The following PLEKHG5 variants were observed in gnomAD, a reference collection of about 807,000 sequenced individuals.
The protein encoded by PLEKHG5 is pleckstrin homology domain-containing family G member 5.
Under a neutral mutation model 103.8 loss-of-function variants are expected in PLEKHG5, and 52 were observed. The observed-to-expected ratio is 0.50, with a 90% CI of 0.40 to 0.63. The LOEUF (loss-of-function observed/expected upper bound fraction) is 0.63, where lower values mean the gene tolerates loss of function less well. Among genes scored for constraint, PLEKHG5 ranks in the 30% least tolerant of loss-of-function variants. The probability of loss-of-function intolerance (pLI) is 0.00; values close to 1 mark genes in which losing one functional copy is unlikely to be tolerated. For missense variants in PLEKHG5, 1,205 were observed against 1,347.6 expected (o/e 0.89, Z 1.66); for synonymous variants, 592 against 575.5 (o/e 1.03, Z -0.41).
chr1:6,469,517 C>G, intron 17 of PLEKHG5, 27 bp downstream of exon 17: 1 of 1,613,842 alleles, frequency 6.2e-7, no homozygotes, highest in Non-Finnish European at 8.5e-7. Context: ...AGCCCCTGAC[C>G]AGGAACAGGG....
chr1:6,481,301 C>T (rs373882872), intron 1 of PLEKHG5, among the ~76,000 whole-genome samples: 6 of 152,028 alleles, frequency 3.9e-5, no homozygotes, highest in Admixed American at 1.3e-4. Flanking sequence ...GAGGCCGAGG[C>T]GGGCGGGTCA....
rs755671655 is a variant in PLEKHG5 at position 6,471,503 on chromosome 1, G to A, written c.1266C>T (p.Leu422=). 1.4e-5 allele frequency: 22 copies of A among 1,610,658 alleles called. No individual in the cohort carries two copies. The East Asian group carries it at 4.9e-4, about 36-fold the overall frequency. ...CCGCCCGTACCATCTTGAAGCCTTT[G>A]AGGAAGTCCCCGGGCTGTAGCAGCG... The part of the protein sequence containing the change: ...TRALLQPGDF[L]KGFKMFGSLF... The change falls in exon 12 of 21, where the codon CTC becomes CTT. Residue 422 remains leucine (L), a synonymous_variant. Transcript: ENST00000377728.
chr1:6,496,559 G>A, upstream of PLEKHG5: 3 of 1,576,868 alleles, frequency 1.9e-6, no homozygotes, highest in Middle Eastern at 2.2e-4. Context: ...TTTCAGCGGG[G>A]CTCTGGTCGT....
upstream of PLEKHG5, among the ~76,000 whole-genome samples, chr1:6,498,170 C>T (rs930990194): frequency 2.0e-5 from 3 of 152,216 alleles, no homozygotes; most frequent in African/African-American, 7.2e-5. Context: ...GCTCCTGAGC[C>T]TGCCTCTGGA....
At chr1:6,472,667 T>C (rs1275967477) in intron 9 of PLEKHG5, 45 bp from the exon 10 acceptor site, 9 of 1,440,360 alleles carry the variant, frequency 6.2e-6, no homozygotes, top group Non-Finnish European at 8.7e-6. Flanking sequence ...CTGGAGCACC[T>C]TAGGGTGGCC....
chr1:6,476,859 AT>A (rs1173404783), intron 2 of PLEKHG5, among the ~76,000 whole-genome samples: 1 of 151,958 alleles, frequency 6.6e-6, no homozygotes, highest in African/African-American at 2.4e-5. Flanking sequence ...GGTTCAAGCG[AT>A]CCTTCCACCT....
chr1:6,486,010 C>A lies in PLEKHG5; in HGVS notation c.-88+5627G>T. 1 of 609,906 alleles carries A rather than the reference C, an allele frequency of 1.6e-6. No individual in the cohort carries two copies. Among genetic ancestry groups the A allele is most frequent in the Non-Finnish European group, 2.1e-6 (1 of 487,390 alleles). 37.8% of individuals were successfully genotyped at this position (609,906 alleles called of 1,614,324 possible). On this transcript the variant is annotated intron_variant, in intron 1 of 20. Transcript: ENST00000377728. This position sits in a 1 kb window ranked among gnomAD's most constrained non-coding sequence, Gnocchi z 5.3. ...CCACCTTGGAGACTGTGGAGCCCCT[C>A]CCCTGGGTGACTCGATCCCCGCCCA... is the stretch of plus-strand genomic sequence containing the variant.
chr1:6,478,788 CACAAT>C (rs1303318072), intron 1 of PLEKHG5, among the ~76,000 whole-genome samples: 1 of 152,082 alleles, frequency 6.6e-6, no homozygotes, highest in African/African-American at 2.4e-5. Flanking sequence ...AGATTACAGG[CACAAT>C]CCACCACGCC....
chr1:6,477,782 C>G (rs1644803193), intron 1 of PLEKHG5, 124 bp from the exon 2 acceptor site: 1 of 975,674 alleles, frequency 1.0e-6, no homozygotes, highest in African/African-American at 2.4e-5. Flanking sequence ...TGAGGAGACG[C>G]CCCCCAGCAG....
intron 1 of PLEKHG5, among the ~76,000 whole-genome samples, chr1:6,481,013 C>T (rs887966934): frequency 1.3e-5 from 2 of 152,134 alleles, no homozygotes; most frequent in Non-Finnish European, 2.9e-5. Flanking sequence ...ATCCCGCTGG[C>T]TCCACCTTTA....
intron 1 of PLEKHG5, among the ~76,000 whole-genome samples, chr1:6,504,394 G>A (rs972937125): frequency 2.6e-5 from 4 of 151,956 alleles, no homozygotes; most frequent in Admixed American, 6.5e-5. Flanking sequence ...CGCACGTCCC[G>A]ATGGGGCCTG....
intron 1 of PLEKHG5, among the ~76,000 whole-genome samples, chr1:6,479,680 A>C (rs1644854148): frequency 6.6e-6 from 1 of 151,578 alleles, no homozygotes; most frequent in African/African-American, 2.4e-5. Flanking sequence ...TGGCATGATC[A>C]GCTCACTGCA....
chr1:6,484,444 C>T (rs770656330), intron 1 of PLEKHG5, among the ~76,000 whole-genome samples: 27 of 152,214 alleles, frequency 1.8e-4, no homozygotes, highest in Non-Finnish European at 2.5e-4. Context: ...CAGGTGGTTT[C>T]CGACTTCGTC....
exon 1 of PLEKHG5, chr1:6,519,548 T>G: frequency 6.6e-7 from 1 of 1,504,296 alleles, no homozygotes; most frequent in Non-Finnish European, 9.3e-7. Context: ...TGCCTGGACC[T>G]CCAGCCACAT....
At chr1:6,475,662 C>T (rs967834540) in intron 3 of PLEKHG5, 140 bp from the exon 4 acceptor site, 7 of 798,930 alleles carry the variant, frequency 8.8e-6, no homozygotes, top group Admixed American at 3.8e-5. Flanking sequence ...CGGCCAGGCC[C>T]GCATAGGGCT....
In PLEKHG5 at chr1:6,474,455, G is replaced by C. The variant is rs1644696778; in HGVS notation, c.435C>G (p.Val145=). The C allele has an allele frequency of 6.2e-7, 1 of 1,613,700 alleles. No homozygotes were observed. The highest frequency in any genetic ancestry group is 1.3e-5 in the African/African-American group (1 of 74,936). The change falls in exon 6 of 21, where the codon GTC becomes GTG. Residue 145 remains valine, a synonymous_variant. Transcript: ENST00000377728. ...TTGGCCCAGGCTGCTTCTCACCTTT[G>C]ACACGAAGGTAGTGTCCCCCGAACC... ...AYRFGGHYLR[V]KAPAKPGDEG... is the part of the protein sequence containing the mutation.
At chr1:6,479,829 T>C (rs1272025358) in intron 1 of PLEKHG5, among the ~76,000 whole-genome samples, 2 of 152,156 alleles carry the variant, frequency 1.3e-5, no homozygotes, top group Non-Finnish European at 2.9e-5. Context: ...CAGGCTAGTC[T>C]TGAACTCCTG....
intron 1 of PLEKHG5, among the ~76,000 whole-genome samples, chr1:6,480,679 C>G (rs1249384680): frequency 6.6e-6 from 1 of 151,052 alleles, no homozygotes; most frequent in Non-Finnish European, 1.5e-5. Flanking sequence ...GACAGGGTCT[C>G]ACTCTGTCAC....
Position 6,467,479 on chromosome 1 carries a change from A to G in PLEKHG5, c.*84T>C, listed in dbSNP as rs1328994629. On this transcript the variant is annotated 3_prime_UTR_variant, in exon 21 of 21. Coordinates refer to ENST00000377728, the MANE Select transcript of PLEKHG5 (RefSeq NM_020631.6). The stretch of plus-strand genomic sequence containing the variant: ...CCGGCTCATGCATACAGGAGGCAGT[A>G]GCTGAAGCAGGTGCCGGCACGCCCC... The G allele has an allele frequency of 2.3e-6, 3 of 1,277,846 alleles. No homozygotes were observed. The highest frequency in any genetic ancestry group is 3.4e-6 in the Non-Finnish European group (3 of 874,216). 79.2% of individuals were successfully genotyped at this position (1,277,846 alleles called of 1,614,324 possible). A position where few individuals can be genotyped will look rare whatever the true frequency, so the allele number is the denominator to read the frequency against.
Sources: gnomAD v4.1 joint callset for allele counts (sites outside exome capture counted in the v4.1 genomes callset) on GRCh38, gnomAD v4.1.1 for gene constraint, Gnocchi (gnomAD v3.1) non-coding constraint, MANE v1.5 for transcripts, NCBI Gene and HGNC (gene_info 2026-07-23, HGNC 2026-07-21) for gene names.